MIOS: variants seen among roughly 807,000 people sequenced by gnomAD.
MIOS encodes the protein meiosis regulator for oocyte development.
In MIOS, 52 loss-of-function variants were observed where a neutral mutation model predicts 96.9. That is an observed-to-expected ratio of 0.54 (90% CI 0.43 to 0.68). The LOEUF (loss-of-function observed/expected upper bound fraction) is 0.68, where lower values mean the gene tolerates loss of function less well. MIOS is among the 30% of genes least tolerant of loss of function. The pLI, the probability that MIOS is intolerant of heterozygous loss-of-function variation, is 0.00. For synonymous variants in MIOS, 397 were observed against 359.5 expected (o/e 1.10, Z -1.18); for missense variants, 1,005 against 1,052.8 (o/e 0.95, Z 0.63).
Position 7,585,208 on chromosome 7 carries a change from T to C in MIOS, c.1649-428T>C, listed in dbSNP as rs191534219. 5.3e-5 allele frequency among the ~76,000 whole-genome samples: 8 copies of C among 152,294 alleles called. No individual in the cohort carries two copies. In the East Asian group the frequency reaches 1.5e-3, roughly 29 times the overall value. Reference sequence around the variant, plus strand: ...TCTGGTAGGATGACTTCACTTTTCTTCATTTAGTAAGCAATAACATACATA... The same window carrying C: ...TCTGGTAGGATGACTTCACTTTTCTCCATTTAGTAAGCAATAACATACATA... On this transcript the variant is annotated intron_variant, in intron 6 of 12. Transcript: ENST00000340080.
intron 11 of MIOS, among the ~76,000 whole-genome samples, chr7:7,604,273 G>T (rs1372905756): frequency 6.6e-6 from 1 of 151,952 alleles, no homozygotes; most frequent in Non-Finnish European, 1.5e-5. Context: ...CCTCCCTGGT[G>T]CTTTGCCTGC....
In MIOS at chr7:7,594,986, C is replaced by A; in HGVS notation, c.2050C>A (p.Pro684Thr). Residue 684 changes from proline (P) to threonine (T), a missense_variant, in exon 10 of 13, where the codon CCT becomes ACT. Physicochemically the swap from Pro to Thr is conservative, Grantham distance 38. Coordinates refer to ENST00000340080, the MANE Select transcript of MIOS (RefSeq NM_019005.4). ...TASYCMLQGS[P>T]LDVLKDERVQ... is the part of the protein sequence containing the mutation. ...ATTCATGTTTTCGTTTTAGGGTTCACCTTTAGATGTTCTTAAAGATGAAAG... is the reference window on the plus strand; with the variant it reads ...ATTCATGTTTTCGTTTTAGGGTTCAACTTTAGATGTTCTTAAAGATGAAAG... 3 of 1,604,646 alleles carry A rather than the reference C, an allele frequency of 1.9e-6. No homozygotes were observed. Among genetic ancestry groups the A allele is most frequent in the Non-Finnish European group, 2.6e-6 (3 of 1,176,144 alleles).
In MIOS at chr7:7,573,870, A is replaced by T. The variant is rs1160491483; in HGVS notation, c.1294+101A>T. ...TAAATATGCTCAATGTTTTATATAC[A>T]AATACAAGTTACATAATACTAACAT... On this transcript the variant is annotated intron_variant, in intron 4 of 12. Coordinates refer to ENST00000340080, the MANE Select transcript of MIOS (RefSeq NM_019005.4). This position sits in a 1 kb window ranked among gnomAD's most constrained non-coding sequence, Gnocchi z 5.0. 3 of 1,162,426 alleles carry T rather than the reference A, an allele frequency of 2.6e-6. No individual in the cohort carries two copies. Among genetic ancestry groups the T allele is most frequent in the Non-Finnish European group, 3.6e-6 (3 of 823,912 alleles). The allele number at this position is 1,162,426 out of a possible 1,614,324, so 72.0% of individuals were successfully genotyped here.
chr7:7,583,915 GAA>G (rs907548450), intron 6 of MIOS, among the ~76,000 whole-genome samples: 1 of 152,022 alleles, frequency 6.6e-6, no homozygotes, highest in African/African-American at 2.4e-5. Flanking sequence ...TTTTTAAAAA[GAA>G]AGAGATAAGG....
intron 11 of MIOS, among the ~76,000 whole-genome samples, chr7:7,604,227 AAAAT>A (rs1563048764): frequency 6.6e-6 from 1 of 152,276 alleles, no homozygotes; most frequent in East Asian, 1.9e-4. Flanking sequence ...AATTTAAAAA[AAAAT>A]AAAGTGCTGG....
At chr7:7,589,293 T>C (rs1783980200) in intron 8 of MIOS, 112 bp from the exon 9 acceptor site, 12 of 915,260 alleles carry the variant, frequency 1.3e-5, no homozygotes, top group Non-Finnish European at 1.9e-5. Flanking sequence ...TAGTAAAGTC[T>C]TTTGTTTTAA....
chr7:7,568,356 G>C (rs779515474), intron 3 of MIOS, among the ~76,000 whole-genome samples: 1 of 152,162 alleles, frequency 6.6e-6, no homozygotes, highest in Non-Finnish European at 1.5e-5. Flanking sequence ...AGTATTACAA[G>C]ATTTGTTAGG....
chr7:7,570,818 A>G (rs781311972), intron 3 of MIOS, among the ~76,000 whole-genome samples: 1 of 152,146 alleles, frequency 6.6e-6, no homozygotes, highest in African/African-American at 2.4e-5. Context: ...GCTGTAAATA[A>G]CAGATGACGC....
chr7:7,580,897 G>A (rs1049378721), intron 5 of MIOS, among the ~76,000 whole-genome samples: 22 of 149,640 alleles, frequency 1.5e-4, no homozygotes, highest in South Asian at 8.6e-4. Context: ...ATGTTGGCTG[G>A]GCTGTTCTCG....
At chr7:7,584,446 A>G (rs1415706131) in intron 6 of MIOS, among the ~76,000 whole-genome samples, 1 of 152,168 alleles carries the variant, frequency 6.6e-6, no homozygotes, top group African/African-American at 2.4e-5. Context: ...CTTTCCAGTG[A>G]TTTTAAGGAC....
intron 9 of MIOS, among the ~76,000 whole-genome samples, chr7:7,593,879 CAAAAA>C (rs35986278): frequency 0.065 from 3,119 of 47,884 alleles, 153 homozygotes; most frequent in African/African-American, 0.19. Context: ...ACTCTGTCTC[CAAAAA>C]AAAAAAAAAA....
chr7:7,585,609 G>C lies in MIOS; in HGVS notation c.1649-27G>C, dbSNP rs764631792. ...GAGATATTAAGCTTTTGATCACTTT[G>C]ATTAGCTGGCTGTTTTTAATATGCA... On this transcript the variant is annotated intron_variant, in intron 6 of 12. Coordinates refer to ENST00000340080, the MANE Select transcript of MIOS (RefSeq NM_019005.4). The C allele has an allele frequency of 2.6e-6, 4 of 1,552,918 alleles. No individual in the cohort carries two copies. The East Asian group carries it at 9.5e-5, about 37-fold the overall frequency.
chr7:7,607,029 G>T lies in MIOS; in HGVS notation c.2565G>T (p.Thr855=), dbSNP rs765439645. ...CAGAGTGCCCTGTGTCGGCATGCAC[G>T]TGTAAATGTATGCAGTTGGATACAA... ...DHAECPVSAC[T]CKCMQLDTTG... is the part of the protein sequence containing the mutation. Residue 855 remains threonine (T), a synonymous_variant, in exon 13 of 13, where the codon ACG becomes ACT. Coordinates refer to ENST00000340080, the MANE Select transcript of MIOS (RefSeq NM_019005.4). 3.8e-5 allele frequency: 62 copies of T among 1,613,014 alleles called. 2 individuals carry two copies. In the South Asian group the frequency reaches 6.6e-4, roughly 17 times the overall value.
intron 6 of MIOS, among the ~76,000 whole-genome samples, chr7:7,583,613 AAGG>A (rs1376911026): frequency 6.9e-4 from 105 of 152,294 alleles, no homozygotes; most frequent in Middle Eastern, 3.4e-3. Context: ...ATAATATTAT[AAGG>A]AGTGCTCAAG....
At position 7,573,058 on chromosome 7, in the gene MIOS, C is replaced by G. The variant is rs1010377053; in HGVS notation, c.583C>G (p.Arg195Gly). The G allele has an allele frequency of 6.2e-7, 1 of 1,613,900 alleles. No individual in the cohort carries two copies. Among genetic ancestry groups the G allele is most frequent in the African/African-American group, 1.3e-5 (1 of 74,906 alleles). Residue 195 changes from arginine (R) to glycine (G), a missense_variant, in exon 4 of 13, where the codon CGA (arginine) becomes GGA (glycine). Physicochemically the swap from Arg to Gly is moderately radical, Grantham distance 125. Transcript: ENST00000340080. The surrounding 1 kb of genome is among the most constrained non-coding windows in gnomAD (Gnocchi z 5.0). ...TTGTCTGTCTCTTTGTTGGCTTCCA[C>G]GAGACCAGAAACTTCTCCTTGCTGG... is the stretch of plus-strand genomic sequence containing the variant. The part of the protein sequence containing the change: ...DACLSLCWLP[R>G]DQKLLLAGMH...
intron 9 of MIOS, among the ~76,000 whole-genome samples, chr7:7,594,267 C>A (rs17168805): frequency 0.021 from 3,213 of 151,272 alleles, 92 homozygotes; most frequent in African/African-American, 0.073. Flanking sequence ...ACCAAGCTAA[C>A]TGTTAGTTCA....
rs755265234 is a variant in MIOS, at chr7:7,608,734, CAT to C, written c.*1645_*1646del. 2.6e-5 allele frequency: 4 copies of C among 152,104 alleles called. No individual in the cohort carries two copies. The East Asian group carries it at 5.8e-4, about 22-fold the overall frequency. The allele number at this position is 152,104 out of a possible 1,614,324, so 9.4% of individuals were successfully genotyped here. ...AGTCAGCTTTAAGTAATGTCAGACT[CAT>C]ATGCATTTTCATTCTCATTAGCTAA... On this transcript the variant is annotated 3_prime_UTR_variant, in exon 13 of 13. Coordinates refer to ENST00000340080, the MANE Select transcript of MIOS (RefSeq NM_019005.4).
At chr7:7,568,328 T>C (rs771231024) in intron 3 of MIOS, among the ~76,000 whole-genome samples, 21 of 152,192 alleles carry the variant, frequency 1.4e-4, no homozygotes, top group Non-Finnish European at 8.8e-5. Flanking sequence ...AGATTTTATC[T>C]CGGTTTTATG....
chr7:7,577,896 G>A (rs1437586182), intron 5 of MIOS, among the ~76,000 whole-genome samples: 2 of 152,118 alleles, frequency 1.3e-5, no homozygotes, highest in African/African-American at 4.8e-5. Context: ...GGACAGTAGG[G>A]CAAGATAATT....
Sources: allele counts gnomAD v4.1 joint callset (sites outside exome capture counted in the v4.1 genomes callset), GRCh38; gene constraint gnomAD v4.1.1; non-coding constraint Gnocchi (gnomAD v3.1); transcripts MANE v1.5; gene names NCBI Gene and HGNC (gene_info 2026-07-23, HGNC 2026-07-21).